The following MOG variants were observed in gnomAD, a reference collection of about 807,000 sequenced individuals.
MOG encodes myelin oligodendrocyte glycoprotein, also known as myelin-oligodendrocyte glycoprotein.
Under a neutral mutation model 35.9 loss-of-function variants are expected in MOG, and 20 were observed. The observed-to-expected ratio is 0.56, with a 90% CI of 0.39 to 0.81. The LOEUF (loss-of-function observed/expected upper bound fraction) is 0.81, where lower values mean the gene tolerates loss of function less well. Ranked by LOEUF, MOG falls within the 30% of genes least tolerant of loss-of-function variation. The pLI is 0.00. For synonymous variants in MOG, 92 were observed against 114.3 expected (o/e 0.80, Z 1.25); for missense variants, 251 against 301.0 (o/e 0.83, Z 1.23).
At chr6:29,657,389 GC>G (rs1196692002) in intron 1 of MOG, 92 bp downstream of exon 1, 1 of 971,968 alleles carries the variant, frequency 1.0e-6, no homozygotes. Flanking sequence ...TCCTCAAGTT[GC>G]TATATTATCT....
intron 2 of MOG, chr6:29,659,896 C>T: frequency 1.7e-6 from 1 of 605,234 alleles, no homozygotes; most frequent in South Asian, 2.0e-5. Context: ...AGGTAAGTGA[C>T]AGAATGAACA....
chr6:29,658,407 G>A (rs138689409), intron 1 of MOG, among the ~76,000 whole-genome samples: 3 of 152,274 alleles, frequency 2.0e-5, no homozygotes, highest in African/African-American at 4.8e-5. Context: ...GTCAGGGTCC[G>A]GGAGCCACAG....
chr6:29,667,754 CAA>C, intron 4 of MOG, 91 bp downstream of exon 4: 1 of 1,559,310 alleles, frequency 6.4e-7, no homozygotes, highest in Non-Finnish European at 8.8e-7. Context: ...CTCTCCCTCT[CAA>C]TACCCTGTTT....
At chr6:29,659,252 TC>T in intron 1 of MOG, 66 bp from the exon 2 acceptor site, 1 of 1,487,448 alleles carries the variant, frequency 6.7e-7, no homozygotes, top group Non-Finnish European at 9.4e-7. Context: ...GCAGCCCTTC[TC>T]ATGACAGGCT....
chr6:29,659,579 G>A lies in MOG; in HGVS notation c.349G>A (p.Val117Ile), dbSNP rs759193635. The A allele has an allele frequency of 1.2e-6, 2 of 1,613,098 alleles. No homozygotes were observed. Among genetic ancestry groups the A allele is most frequent in the Non-Finnish European group, 1.7e-6 (2 of 1,180,028 alleles). ...EGKVTLRIRN[V>I]RFSDEGGFTC... The stretch of plus-strand genomic sequence containing the variant: ...AAAGGTGACTCTCAGGATCCGGAAT[G>A]TAAGGTTCTCAGATGAAGGAGGTTT... The change falls in exon 2 of 8, where the codon GTA (valine) becomes ATA (isoleucine). Residue 117 changes from valine (V) to isoleucine (I), a missense_variant. Coordinates refer to ENST00000376917, the MANE Select transcript of MOG (RefSeq NM_206809.4).
At chr6:29,660,300 T>A (rs1388660309) in intron 2 of MOG, among the ~76,000 whole-genome samples, 2 of 150,126 alleles carry the variant, frequency 1.3e-5, no homozygotes, top group African/African-American at 4.9e-5. Flanking sequence ...GGTGGGCAGA[T>A]CACAAGGTCA....
At chr6:29,660,260 G>A (rs3095294) in intron 2 of MOG, among the ~76,000 whole-genome samples, 29,091 of 151,466 alleles carry the variant, frequency 0.19, 3,134 homozygotes, top group East Asian at 0.33. Flanking sequence ...CGTGGCTCAC[G>A]CCTGTAATCC....
chr6:29,661,716 T>C (rs1167206597), intron 2 of MOG: 1 of 888,938 alleles, frequency 1.1e-6, no homozygotes, highest in East Asian at 1.2e-4. Flanking sequence ...GCTGGGAGGC[T>C]GAGGCAGGAG....
intron 2 of MOG, chr6:29,663,874 GA>G: frequency 1.2e-6 from 1 of 855,504 alleles, no homozygotes; most frequent in Non-Finnish European, 1.4e-6. Context: ...TCTACAGCTT[GA>G]AGGATTGTAA....
Position 29,671,447 on chromosome 6 carries a change from C to A in MOG, c.*262C>A. 1 of 1,601,184 alleles carries A rather than the reference C, an allele frequency of 6.2e-7. No individual in the cohort carries two copies. On this transcript the variant is annotated 3_prime_UTR_variant, in exon 8 of 8. Transcript: ENST00000376917. ...TCTTCCACCTGGAAGCCCTCTCTGG[C>A]TAAGGACAGGCAGGTGCCCCTCTCT...
chr6:29,661,316 ATTT>A, intron 2 of MOG: 1 of 941,042 alleles, frequency 1.1e-6, no homozygotes, highest in Non-Finnish European at 1.3e-6. Flanking sequence ...ACAAAGCACT[ATTT>A]CTAGAGACTG....
chr6:29,661,037 A>G (rs1447407700), intron 2 of MOG, among the ~76,000 whole-genome samples: 1 of 152,176 alleles, frequency 6.6e-6, no homozygotes, highest in Non-Finnish European at 1.5e-5. Context: ...CATGTTTTGC[A>G]TGATGGGTGA....
chr6:29,670,799 G>A lies in MOG; in HGVS notation c.730+78G>A, dbSNP rs774294135. The stretch of plus-strand genomic sequence containing the variant: ...GACAGAAGCAACAAGAGGAAGAGGC[G>A]GGCTATTGAGGGATCACATTCCCAG... On this transcript the variant is annotated intron_variant, in intron 7 of 7. Coordinates refer to ENST00000376917, the MANE Select transcript of MOG (RefSeq NM_206809.4). The surrounding 1 kb of genome is among the most constrained non-coding windows in gnomAD (Gnocchi z 4.2). 20 of 1,591,388 alleles carry A rather than the reference G, an allele frequency of 1.3e-5. No individual in the cohort carries two copies. In the African/African-American group the frequency reaches 1.7e-4, roughly 14 times the overall value.
rs543502807 is a variant in MOG, at chr6:29,669,292, C to T, written c.593-989C>T. ...AAGTCTAATAACCTGTAATTTCTTT[C>T]TTTCTTTCTTTCTTTCTTTTTTTTT... On this transcript the variant is annotated intron_variant, in intron 5 of 7. Coordinates refer to ENST00000376917, the MANE Select transcript of MOG (RefSeq NM_206809.4). Among the ~76,000 whole-genome samples the T allele has an allele frequency of 1.6e-3, 218 of 136,898 alleles. 7 individuals are homozygous for T. In the South Asian group the frequency reaches 0.051, roughly 32 times the overall value. 89.8% of individuals were successfully genotyped at this position (136,898 alleles called of 152,430 possible).
Position 29,666,220 on chromosome 6 carries a change from A to G in MOG, c.505A>G (p.Ile169Val), listed in dbSNP as rs192804796. ...GGTGCTGCCTGTGCTCCTCCTGCAG[A>G]TCACTGTTGGCCTCATCTTCCTCTG... Reference protein sequence around the residue: ...LAVLPVLLLQITVGLIFLCLQ... With the variant: ...LAVLPVLLLQVTVGLIFLCLQ... The change falls in exon 3 of 8, where the codon ATC becomes GTC. Residue 169 changes from isoleucine (I) to valine (V), a missense_variant. Transcript: ENST00000376917. 2.5e-6 allele frequency: 4 copies of G among 1,612,826 alleles called. No individual in the cohort carries two copies. The Admixed American group carries it at 5.0e-5, about 20-fold the overall frequency.
At chr6:29,661,586 C>T (rs982273872) in intron 2 of MOG, 4 of 967,326 alleles carry the variant, frequency 4.1e-6, no homozygotes, top group Middle Eastern at 5.2e-4. Flanking sequence ...TTTGGGAGGC[C>T]GAGGCGGGTG....
intron 2 of MOG, among the ~76,000 whole-genome samples, chr6:29,665,165 C>T (rs997312349): frequency 2.6e-5 from 4 of 150,948 alleles, no homozygotes; most frequent in Admixed American, 6.6e-5. Flanking sequence ...GGCAAGATCT[C>T]GGCTCACCTC....
Position 29,671,264 on chromosome 6 carries a change from G to A in MOG, c.*79G>A. 7 of 1,612,090 alleles carry A rather than the reference G, an allele frequency of 4.3e-6. No individual in the cohort carries two copies. Among genetic ancestry groups the A allele is most frequent in the Non-Finnish European group, 5.9e-6 (7 of 1,180,016 alleles). On this transcript the variant is annotated 3_prime_UTR_variant, in exon 8 of 8. Coordinates refer to ENST00000376917, the MANE Select transcript of MOG (RefSeq NM_206809.4). ...TCCTTGGGGACATCTCATCCATCAA[G>A]TTGCACACTCACTGGCATCTTTGCT...
Position 29,672,244 on chromosome 6 carries a change from T to C in MOG, c.*1059T>C, listed in dbSNP as rs3135049. On this transcript the variant is annotated 3_prime_UTR_variant, in exon 8 of 8. Coordinates refer to ENST00000376917, the MANE Select transcript of MOG (RefSeq NM_206809.4). ...CAGAGGTTGCAGTGAGCTGAGATCG[T>C]GCCACTGCACTCTAGCCGGAGTGAC... 141,215 of 161,116 alleles carry C rather than the reference T, an allele frequency of 0.88. 62,379 individuals carry two copies. Among genetic ancestry groups the C allele is most frequent in the East Asian group, 0.99 (5,652 of 5,726 alleles). The allele number at this position is 161,116 out of a possible 1,614,324, so 10.0% of individuals were successfully genotyped here. A position where few individuals can be genotyped will look rare whatever the true frequency, so the allele number is the denominator to read the frequency against.
Sources: gnomAD v4.1 joint callset for allele counts (sites outside exome capture counted in the v4.1 genomes callset) on GRCh38, gnomAD v4.1.1 for gene constraint, Gnocchi (gnomAD v3.1) non-coding constraint, MANE v1.5 for transcripts, NCBI Gene and HGNC (gene_info 2026-07-23, HGNC 2026-07-21) for gene names.